NUTF2: variants seen among roughly 807,000 people sequenced by gnomAD.
NUTF2 encodes the protein nuclear transport factor 2, also known as placental protein 15.
NUTF2 carries 3 observed loss-of-function variants against 18.5 expected under a neutral mutation model. The ratio of observed to expected loss-of-function variants is 0.16; its 90% confidence interval spans 0.07 to 0.42. The LOEUF is 0.42. Ranked by LOEUF, NUTF2 falls within the 10% of genes least tolerant of loss-of-function variation. The pLI is 0.99. For missense variants in NUTF2, 44 were observed against 160.7 expected (o/e 0.27, Z 3.93); for synonymous variants, 51 against 57.9 (o/e 0.88, Z 0.54).
chr16:67,856,168 G>A, intron 1 of NUTF2: 1 of 355,944 alleles, frequency 2.8e-6, no homozygotes, highest in East Asian at 4.4e-5. Flanking sequence ...TTGGCTCTCA[G>A]CTGTTTGCAT....
chr16:67,848,062 C>T (rs768307622), intron 1 of NUTF2, among the ~76,000 whole-genome samples: 1 of 152,214 alleles, frequency 6.6e-6, no homozygotes, highest in Non-Finnish European at 1.5e-5. Flanking sequence ...AGGCAGGAAC[C>T]TGGTTGCTTT....
intron 1 of NUTF2, among the ~76,000 whole-genome samples, chr16:67,851,733 A>G (rs554692530): frequency 1.3e-5 from 2 of 151,694 alleles, no homozygotes; most frequent in East Asian, 3.9e-4. Context: ...TTTCAGAACA[A>G]GTCTGGGCGC....
chr16:67,861,206 C>T (rs1311080458), intron 1 of NUTF2, among the ~76,000 whole-genome samples: 1 of 152,244 alleles, frequency 6.6e-6, no homozygotes, highest in Admixed American at 6.5e-5. Context: ...CTCGCTGAAT[C>T]TCCTTTTGGT....
chr16:67,863,774 C>T (rs1200756068), intron 1 of NUTF2, among the ~76,000 whole-genome samples: 1 of 152,214 alleles, frequency 6.6e-6, no homozygotes, highest in African/African-American at 2.4e-5. Context: ...TGGGGCCATC[C>T]ACAGAAAAAC....
At chr16:67,852,922 A>G (rs2057870621) in intron 1 of NUTF2, among the ~76,000 whole-genome samples, 1 of 152,048 alleles carries the variant, frequency 6.6e-6, no homozygotes, top group African/African-American at 2.4e-5. Context: ...CACTCAGGTG[A>G]TCCACCCACC....
Position 67,871,160 on chromosome 16 carries a change from TC to T in NUTF2, c.*249del, listed in dbSNP as rs2058009148. ...AAGACTTAAGTAATGCAAAAGGTTG[TC>T]CTTTTTTTTTTTTTTTTTTTTTTAA... On this transcript the variant is annotated 3_prime_UTR_variant, in exon 5 of 5. Coordinates refer to ENST00000219169, the MANE Select transcript of NUTF2 (RefSeq NM_005796.3). 3 of 304,872 alleles carry T rather than the reference TC, an allele frequency of 9.8e-6. No homozygotes were observed. Among genetic ancestry groups the T allele is most frequent in the South Asian group, 1.1e-4 (1 of 8,830 alleles). The allele number at this position is 304,872 out of a possible 1,614,324, so 18.9% of individuals were successfully genotyped here. A position where few individuals can be genotyped will look rare whatever the true frequency, so the allele number is the denominator to read the frequency against.
chr16:67,864,819 T>C (rs1301851815), intron 1 of NUTF2, among the ~76,000 whole-genome samples: 1 of 152,134 alleles, frequency 6.6e-6, no homozygotes, highest in East Asian at 1.9e-4. Context: ...TTGTTGTAGA[T>C]CTACCCTTAG....
At chr16:67,863,851 A>G (rs1024319496) in intron 1 of NUTF2, among the ~76,000 whole-genome samples, 1 of 152,212 alleles carries the variant, frequency 6.6e-6, no homozygotes, top group Non-Finnish European at 1.5e-5. Context: ...CAGCCTAGCA[A>G]AGCCCAAGCG....
In NUTF2 at chr16:67,869,177, G is replaced by A. The variant is rs537812886; in HGVS notation, c.270+578G>A. ...TCAGCTCACTACACTTCTGCCTTCC[G>A]AGTTCAAGCAATTCTCCAGCCTCAG... On this transcript the variant is annotated intron_variant, in intron 4 of 4. Coordinates refer to ENST00000219169, the MANE Select transcript of NUTF2 (RefSeq NM_005796.3). Among the ~76,000 whole-genome samples the A allele has an allele frequency of 7.3e-5, 11 of 150,830 alleles. No individual in the cohort carries two copies. In the South Asian group the frequency reaches 1.0e-3, roughly 14 times the overall value.
intron 1 of NUTF2, among the ~76,000 whole-genome samples, chr16:67,862,300 CTA>C (rs1442212181): frequency 7.2e-5 from 11 of 152,172 alleles, no homozygotes; most frequent in African/African-American, 2.7e-4. Context: ...TGGATTCTGA[CTA>C]TGTGGCTGTT....
intron 4 of NUTF2, among the ~76,000 whole-genome samples, chr16:67,869,015 C>G (rs1212440531): frequency 2.0e-5 from 3 of 151,740 alleles, no homozygotes; most frequent in Non-Finnish European, 4.4e-5. Context: ...GCAGCCCTTG[C>G]TACCACTCCT....
At chr16:67,859,869 G>A (rs60056714) in intron 1 of NUTF2, among the ~76,000 whole-genome samples, 1,513 of 129,800 alleles carry the variant, frequency 0.012, 34 homozygotes, top group East Asian at 0.097. Flanking sequence ...GCCGTGGGTC[G>A]TTCTTAGCTC....
chr16:67,864,608 G>A (rs1177342052), intron 1 of NUTF2, among the ~76,000 whole-genome samples: 1 of 151,942 alleles, frequency 6.6e-6, no homozygotes, highest in African/African-American at 2.4e-5. Context: ...GGACAGTGTT[G>A]GGGGCCTGAG....
intron 1 of NUTF2, among the ~76,000 whole-genome samples, chr16:67,850,915 C>T (rs1308791657): frequency 6.6e-6 from 1 of 152,022 alleles, no homozygotes; most frequent in Admixed American, 6.6e-5. Flanking sequence ...ATTCTCCTGC[C>T]TCAGCCACCC....
At chr16:67,855,989 GCCT>G in intron 1 of NUTF2, 1 of 1,239,118 alleles carries the variant, frequency 8.1e-7, no homozygotes, top group Non-Finnish European at 1.2e-6. Context: ...GGTGCCAGCG[GCCT>G]TGGTGACCTT....
At chr16:67,854,428 C>A (rs552259946) in intron 1 of NUTF2, among the ~76,000 whole-genome samples, 2 of 152,364 alleles carry the variant, frequency 1.3e-5, no homozygotes, top group East Asian at 3.9e-4. Context: ...GTTCAGCAGA[C>A]CTGGTCAGGG....
intron 1 of NUTF2, among the ~76,000 whole-genome samples, chr16:67,857,865 A>G (rs1366500105): frequency 6.6e-6 from 1 of 152,236 alleles, no homozygotes; most frequent in Non-Finnish European, 1.5e-5. Flanking sequence ...CAGCTTGGAC[A>G]GAAGGTGTGG....
intron 1 of NUTF2, among the ~76,000 whole-genome samples, chr16:67,863,641 G>T (rs1047580223): frequency 2.0e-5 from 3 of 152,166 alleles, no homozygotes; most frequent in African/African-American, 7.2e-5. Context: ...GCCCTAAGAA[G>T]GGCAGTGACT....
At chr16:67,849,487 G>A (rs1297498327) in intron 1 of NUTF2, among the ~76,000 whole-genome samples, 1 of 151,336 alleles carries the variant, frequency 6.6e-6, no homozygotes, top group African/African-American at 2.4e-5. Context: ...GACTACAGGC[G>A]CACGCCACCA....
Sources: gnomAD v4.1 joint callset for allele counts (sites outside exome capture counted in the v4.1 genomes callset) on GRCh38, gnomAD v4.1.1 for gene constraint, MANE v1.5 for transcripts, NCBI Gene and HGNC (gene_info 2026-07-23, HGNC 2026-07-21) for gene names.